The following GRID1 variants were observed in gnomAD, a reference collection of about 807,000 sequenced individuals.
The protein encoded by GRID1 is glutamate receptor ionotropic, delta-1.
In GRID1, 28 loss-of-function variants were observed where a neutral mutation model predicts 98.0. That is an observed-to-expected ratio of 0.29 (90% CI 0.21 to 0.39). GRID1 has a LOEUF of 0.39. GRID1 is among the 10% of genes least tolerant of loss of function. GRID1 has a pLI of 1.00. For missense variants in GRID1, 1,111 were observed against 1,340.5 expected (o/e 0.83, Z 2.67); for synonymous variants, 553 against 538.5 (o/e 1.03, Z -0.37).
intron 8 of GRID1, among the ~76,000 whole-genome samples, chr10:85,792,707 A>G (rs1842491437): frequency 6.6e-6 from 1 of 152,140 alleles, no homozygotes; most frequent in African/African-American, 2.4e-5. Flanking sequence ...ACCTCTCAGG[A>G]AGCTGTGTTC....
At chr10:85,756,762 C>G (rs1316993592) in intron 8 of GRID1, among the ~76,000 whole-genome samples, 1 of 152,204 alleles carries the variant, frequency 6.6e-6, no homozygotes, top group Non-Finnish European at 1.5e-5. Context: ...TAAGGGAATA[C>G]TACTGTATAG....
intron 8 of GRID1, among the ~76,000 whole-genome samples, chr10:85,824,172 A>G (rs1842797755): frequency 6.8e-6 from 1 of 147,466 alleles, no homozygotes; most frequent in South Asian, 2.2e-4. Flanking sequence ...ACTTAAAAAG[A>G]GTTGATTTTG....
At chr10:85,609,884 C>A (rs1266964706) in intron 15 of GRID1, among the ~76,000 whole-genome samples, 1 of 152,224 alleles carries the variant, frequency 6.6e-6, no homozygotes, top group East Asian at 1.9e-4. Flanking sequence ...TGGCTCTTTA[C>A]TGCATCCATG....
At chr10:86,225,667 G>A (rs548908126) in intron 2 of GRID1, among the ~76,000 whole-genome samples, 1 of 152,244 alleles carries the variant, frequency 6.6e-6, no homozygotes, top group East Asian at 1.9e-4. Flanking sequence ...TGGGCCTCAA[G>A]TTGTTGGGGA....
At chr10:85,992,828 C>T (rs1402784800) in intron 4 of GRID1, among the ~76,000 whole-genome samples, 1 of 151,642 alleles carries the variant, frequency 6.6e-6, no homozygotes, top group Non-Finnish European at 1.5e-5. Flanking sequence ...GTGGCGTGCA[C>T]CTGTAGTCTC....
chr10:86,299,489 C>A (rs1043755562), intron 2 of GRID1, among the ~76,000 whole-genome samples: 4 of 151,660 alleles, frequency 2.6e-5, no homozygotes, highest in Admixed American at 1.3e-4. Context: ...CCCCCTCGCC[C>A]CCCTCCCCAC....
At chr10:85,865,954 TGGAGAGAGAGAGAG>T (rs1843215042) in intron 6 of GRID1, among the ~76,000 whole-genome samples, 2 of 54,518 alleles carry the variant, frequency 3.7e-5, no homozygotes, top group Non-Finnish European at 6.3e-5. Context: ...CACATATATA[TGGAGAGAGAGAGAG>T]AGAGAGAGAG....
intron 12 of GRID1, among the ~76,000 whole-genome samples, chr10:85,701,954 C>G (rs1485370174): frequency 6.6e-6 from 1 of 151,866 alleles, no homozygotes; most frequent in Admixed American, 6.6e-5. Context: ...TGTTCCCCAA[C>G]AACCAATGGG....
intron 8 of GRID1, among the ~76,000 whole-genome samples, chr10:85,827,295 T>A (rs757017852): frequency 6.6e-6 from 1 of 151,984 alleles, no homozygotes; most frequent in Non-Finnish European, 1.5e-5. Context: ...ATTCATCAGA[T>A]AGAGCTAAAA....
At position 86,192,694 on chromosome 10, in the gene GRID1, TA is replaced by T. The variant is rs1278074934; in HGVS notation, c.520+13669del. ...CATGGTAAATTTTGTGTTGTATATA[TA>T]TTTTTCCACAATAAAACAAAAAACT... On this transcript the variant is annotated intron_variant, in intron 3 of 15. Transcript: ENST00000327946. The surrounding 1 kb of genome is among the most constrained non-coding windows in gnomAD (Gnocchi z 4.8). Among the ~76,000 whole-genome samples, 1 of 152,062 alleles carries T rather than the reference TA, an allele frequency of 6.6e-6. No individual in the cohort carries two copies. Among genetic ancestry groups the T allele is most frequent in the African/African-American group, 2.4e-5 (1 of 41,402 alleles).
chr10:86,340,854 G>C (rs747295296), intron 2 of GRID1, among the ~76,000 whole-genome samples: 23 of 152,194 alleles, frequency 1.5e-4, no homozygotes, highest in Non-Finnish European at 2.9e-4. Context: ...ACACCTGGAG[G>C]GTGTCAAGGG....
chr10:85,902,167 T>G (rs1443033573), intron 5 of GRID1, among the ~76,000 whole-genome samples: 1 of 152,224 alleles, frequency 6.6e-6, no homozygotes, highest in Non-Finnish European at 1.5e-5. Flanking sequence ...AGATCCCCAG[T>G]GGATGCCTGA....
At chr10:86,129,478 G>A (rs1295636679) in intron 4 of GRID1, among the ~76,000 whole-genome samples, 1 of 152,172 alleles carries the variant, frequency 6.6e-6, no homozygotes, top group Non-Finnish European at 1.5e-5. Context: ...ATCCCCACAG[G>A]CTCAAAGCTC....
intron 8 of GRID1, among the ~76,000 whole-genome samples, chr10:85,844,873 T>C (rs1203636792): frequency 1.3e-5 from 2 of 151,990 alleles, no homozygotes; most frequent in Non-Finnish European, 2.9e-5. Flanking sequence ...AGATGCAAAA[T>C]AGCCTTTAAA....
chr10:85,657,180 G>C (rs578163940), intron 12 of GRID1, among the ~76,000 whole-genome samples: 13 of 152,136 alleles, frequency 8.5e-5, no homozygotes, highest in Non-Finnish European at 1.6e-4. Context: ...GGACGCCTTT[G>C]CTGACAATCT....
chr10:86,308,144 C>A (rs1386520154), intron 2 of GRID1, among the ~76,000 whole-genome samples: 1 of 152,182 alleles, frequency 6.6e-6, no homozygotes, highest in African/African-American at 2.4e-5. Context: ...TGCTCTCACT[C>A]CCTGCCATCC....
intron 2 of GRID1, among the ~76,000 whole-genome samples, chr10:86,360,983 C>G (rs1589462869): frequency 6.6e-6 from 1 of 152,362 alleles, no homozygotes; most frequent in South Asian, 2.1e-4. Context: ...CCCCATCTGC[C>G]TTTGCTCTCC....
Position 86,366,544 on chromosome 10 carries a change from C to T in GRID1, c.-152G>A, listed in dbSNP as rs897234458. The T allele has an allele frequency of 5.6e-5, 18 of 324,120 alleles. No individual in the cohort carries two copies. The highest frequency in any genetic ancestry group is 3.6e-4 in the African/African-American group (16 of 44,918). The allele number at this position is 324,120 out of a possible 1,614,324, so 20.1% of individuals were successfully genotyped here. A position where few individuals can be genotyped will look rare whatever the true frequency, so the allele number is the denominator to read the frequency against. On this transcript the variant is annotated 5_prime_UTR_variant, in exon 1 of 16. Coordinates refer to ENST00000327946, the MANE Select transcript of GRID1 (RefSeq NM_017551.3). This position sits in a 1 kb window ranked among gnomAD's most constrained non-coding sequence, Gnocchi z 4.1. ...CTTCCCCCGCGCGCCCGCCCCTGCG[C>T]CCTGCGCCCGCCCCAGCCCAGCCCA...
chr10:85,748,036 T>G (rs1487287460), intron 8 of GRID1, among the ~76,000 whole-genome samples: 1 of 152,166 alleles, frequency 6.6e-6, no homozygotes, highest in Non-Finnish European at 1.5e-5. Flanking sequence ...TCTGATAAGC[T>G]TGAAGGCTGT....
Sources: allele counts gnomAD v4.1 joint callset (sites outside exome capture counted in the v4.1 genomes callset), GRCh38; gene constraint gnomAD v4.1.1; non-coding constraint Gnocchi (gnomAD v3.1); transcripts MANE v1.5; gene names NCBI Gene and HGNC (gene_info 2026-07-23, HGNC 2026-07-21).